Variants in MACROD2 observed in about 807,000 individuals in gnomAD.
MACROD2 encodes the protein ADP-ribose glycohydrolase MACROD2.
A neutral mutation model predicts 70.4 loss-of-function variants in MACROD2; 36 were observed. The observed-to-expected ratio is 0.51, with a 90% CI of 0.39 to 0.68. MACROD2 has a LOEUF of 0.68. MACROD2 is among the 30% of genes least tolerant of loss of function. The pLI, the probability that MACROD2 is intolerant of heterozygous loss-of-function variation, is 0.00. For missense variants in MACROD2, 496 were observed against 538.4 expected (o/e 0.92, Z 0.78); for synonymous variants, 172 against 178.8 (o/e 0.96, Z 0.30).
intron 5 of MACROD2, among the ~76,000 whole-genome samples, chr20:14,968,621 G>C (rs968116138): frequency 6.6e-6 from 1 of 152,126 alleles, no homozygotes; most frequent in Non-Finnish European, 1.5e-5. Context: ...TCACCTGAAG[G>C]GCTTGTTCAA....
intron 5 of MACROD2, among the ~76,000 whole-genome samples, chr20:14,726,456 A>C (rs1383419765): frequency 6.6e-6 from 1 of 152,148 alleles, no homozygotes; most frequent in African/African-American, 2.4e-5. Flanking sequence ...GGCGAAACTG[A>C]ATTGCTTTTA....
intron 3 of MACROD2, among the ~76,000 whole-genome samples, chr20:14,168,229 G>A (rs1303952356): frequency 6.6e-6 from 1 of 152,122 alleles, no homozygotes; most frequent in Non-Finnish European, 1.5e-5. Context: ...AAATATTTTA[G>A]CATTAAATGA....
At chr20:14,714,977 T>C (rs1481095406) in intron 5 of MACROD2, among the ~76,000 whole-genome samples, 3 of 152,178 alleles carry the variant, frequency 2.0e-5, no homozygotes, top group Admixed American at 6.5e-5. Flanking sequence ...AACAAAATAA[T>C]ATGTGGTTAA....
At chr20:15,431,378 A>G (rs199898229) in intron 6 of MACROD2, 27 bp from the exon 7 acceptor site, 3 of 1,600,078 alleles carry the variant, frequency 1.9e-6, no homozygotes, top group Non-Finnish European at 1.7e-6. Context: ...TTTAATATTC[A>G]TTGTTATTTT....
chr20:15,250,000 A>C (rs930752641), intron 6 of MACROD2, among the ~76,000 whole-genome samples: 9 of 152,226 alleles, frequency 5.9e-5, no homozygotes, highest in African/African-American at 2.2e-4. Context: ...TTATCTACTT[A>C]AGAAAAGAAA....
intron 3 of MACROD2, among the ~76,000 whole-genome samples, chr20:14,236,186 T>C (rs912869193): frequency 6.6e-6 from 1 of 152,202 alleles, no homozygotes; most frequent in East Asian, 1.9e-4. Flanking sequence ...TGCTTGTGCT[T>C]ACGTCCTATA....
chr20:14,718,090 C>T (rs1050156961), intron 5 of MACROD2, among the ~76,000 whole-genome samples: 1 of 151,660 alleles, frequency 6.6e-6, no homozygotes, highest in Non-Finnish European at 1.5e-5. Context: ...GTCAGGAGTT[C>T]GAGATCAGCC....
intron 8 of MACROD2, among the ~76,000 whole-genome samples, chr20:15,650,575 T>C (rs1431908473): frequency 6.6e-6 from 1 of 152,230 alleles, no homozygotes; most frequent in Non-Finnish European, 1.5e-5. Flanking sequence ...GTTCAGGTCA[T>C]AGAACTTATA....
At chr20:15,757,075 C>G (rs1330458964) in intron 8 of MACROD2, among the ~76,000 whole-genome samples, 2 of 152,200 alleles carry the variant, frequency 1.3e-5, no homozygotes, top group East Asian at 3.8e-4. Flanking sequence ...AAGCCAATTA[C>G]TGAAAAATTG....
At chr20:15,284,497 T>C (rs2077474364) in intron 6 of MACROD2, among the ~76,000 whole-genome samples, 1 of 152,226 alleles carries the variant, frequency 6.6e-6, no homozygotes, top group African/African-American at 2.4e-5. Context: ...AAAAGTGTTC[T>C]TCTGTGAGGA....
chr20:15,334,663 G>A (rs1286613751), intron 6 of MACROD2, among the ~76,000 whole-genome samples: 2 of 151,400 alleles, frequency 1.3e-5, no homozygotes, highest in Non-Finnish European at 2.9e-5. Context: ...CACTGAGTGT[G>A]GATGAAGAGC....
chr20:14,601,637 A>G lies in MACROD2; in HGVS notation c.302-83206A>G, dbSNP rs144797412. ...GTTCATGCCAATACAATTGTAAAAT[A>G]TAATTTTCTTATTTCTTTTTTAATG... On this transcript the variant is annotated intron_variant, in intron 4 of 17. Coordinates refer to ENST00000684519, the MANE Select transcript of MACROD2 (RefSeq NM_001351661.2). Among the ~76,000 whole-genome samples the G allele has an allele frequency of 2.0e-5, 3 of 152,242 alleles. No individual in the cohort carries two copies. In the East Asian group the frequency reaches 5.8e-4, roughly 29 times the overall value.
At chr20:15,248,814 G>A (rs2077128861) in intron 6 of MACROD2, among the ~76,000 whole-genome samples, 1 of 152,050 alleles carries the variant, frequency 6.6e-6, no homozygotes, top group Non-Finnish European at 1.5e-5. Context: ...ATCTCTTGCA[G>A]TCCTGTAGAC....
At chr20:14,677,556 G>A (rs2070877114) in intron 4 of MACROD2, among the ~76,000 whole-genome samples, 1 of 152,172 alleles carries the variant, frequency 6.6e-6, no homozygotes, top group Admixed American at 6.6e-5. Flanking sequence ...TCTTATCAGG[G>A]TGGTAAATGA....
intron 10 of MACROD2, among the ~76,000 whole-genome samples, chr20:15,928,264 A>T (rs6135606): frequency 0.059 from 8,933 of 152,288 alleles, 409 homozygotes; most frequent in East Asian, 0.23. Context: ...TTCTTGCAAC[A>T]TTCTGTTGCT....
chr20:16,001,470 T>A (rs1009115967), intron 15 of MACROD2, among the ~76,000 whole-genome samples: 2 of 152,338 alleles, frequency 1.3e-5, no homozygotes, highest in Middle Eastern at 3.4e-3. Context: ...AAAGGAAATG[T>A]TGTCGAGATG....
chr20:15,763,398 A>C (rs2051469975), intron 8 of MACROD2, among the ~76,000 whole-genome samples: 1 of 152,240 alleles, frequency 6.6e-6, no homozygotes, highest in African/African-American at 2.4e-5. Context: ...GTAAGACACC[A>C]GACAAAGGTT....
At chr20:15,796,791 G>A (rs112940575) in intron 8 of MACROD2, among the ~76,000 whole-genome samples, 3,980 of 152,244 alleles carry the variant, frequency 0.026, 110 homozygotes, top group East Asian at 0.07. Context: ...GAATTGACAC[G>A]ATTCTAGCCA....
chr20:15,131,537 A>C (rs2076105284), intron 5 of MACROD2, among the ~76,000 whole-genome samples: 1 of 152,120 alleles, frequency 6.6e-6, no homozygotes. Flanking sequence ...GATATCATTT[A>C]AGTATAGATG....
Sources: gnomAD v4.1 joint callset for allele counts (sites outside exome capture counted in the v4.1 genomes callset) on GRCh38, gnomAD v4.1.1 for gene constraint, MANE v1.5 for transcripts, NCBI Gene and HGNC (gene_info 2026-07-23, HGNC 2026-07-21) for gene names.